The following RANBP2 variants were observed in gnomAD, a reference collection of about 807,000 sequenced individuals.
The protein encoded by RANBP2 is E3 SUMO-protein ligase RanBP2.
Under a neutral mutation model 303.6 loss-of-function variants are expected in RANBP2, and 57 were observed. The observed-to-expected ratio is 0.19, with a 90% confidence interval of 0.15 to 0.23. The LOEUF is 0.23. Ranked by LOEUF, RANBP2 falls within the 10% of genes least tolerant of loss-of-function variation. RANBP2 has a pLI of 1.00. For missense variants in RANBP2, 3,138 were observed against 3,780.8 expected (o/e 0.83, Z 4.46); for synonymous variants, 1,167 against 1,301.5 (o/e 0.90, Z 2.23).
the RANBP2 span, among the ~76,000 whole-genome samples, chr2:109,568,143 T>C: frequency 1.3e-5 from 2 of 152,078 alleles, no homozygotes; most frequent in East Asian, 3.9e-4. Context: ...TACATAAAGA[T>C]TTACAGGAAC....
the RANBP2 span, among the ~76,000 whole-genome samples, chr2:109,527,164 C>T: frequency 6.6e-6 from 1 of 152,286 alleles, no homozygotes; most frequent in Admixed American, 6.5e-5. Context: ...TCACACAAAC[C>T]CACACGAAGC....
chr2:108,830,058 G>GT, the RANBP2 span, among the ~76,000 whole-genome samples: 1 of 152,088 alleles, frequency 6.6e-6, no homozygotes, highest in African/African-American at 2.4e-5. Context: ...ACAAGATGTG[G>GT]TATATACATA....
chr2:108,932,057 C>A, the RANBP2 span, among the ~76,000 whole-genome samples: 1 of 152,142 alleles, frequency 6.6e-6, no homozygotes, highest in African/African-American at 2.4e-5. Context: ...AGCAAGCTAC[C>A]ATTGGTCATG....
At chr2:109,297,450 TCCAGAG>T in the RANBP2 span, among the ~76,000 whole-genome samples, 1 of 151,822 alleles carries the variant, frequency 6.6e-6, no homozygotes, top group Non-Finnish European at 1.5e-5. Context: ...GCATACCTCC[TCCAGAG>T]CCAGAGGGGT....
the RANBP2 span, among the ~76,000 whole-genome samples, chr2:109,024,199 A>G: frequency 2.0e-5 from 3 of 152,230 alleles, no homozygotes; most frequent in Non-Finnish European, 4.4e-5. Context: ...TGCTGGGATT[A>G]CAGGCGTGAG....
chr2:108,930,098 TC>T, the RANBP2 span: 1 of 1,609,108 alleles, frequency 6.2e-7, no homozygotes, highest in South Asian at 1.1e-5. Flanking sequence ...CGCACCAGGC[TC>T]CAGGAGGGCT....
At chr2:108,862,576 A>C in the RANBP2 span, among the ~76,000 whole-genome samples, 2 of 152,184 alleles carry the variant, frequency 1.3e-5, no homozygotes, top group African/African-American at 4.8e-5. Flanking sequence ...CAAAGCAAAT[A>C]TGTGAGGTAA....
the RANBP2 span, among the ~76,000 whole-genome samples, chr2:109,581,445 A>AG: frequency 1.3e-5 from 2 of 152,084 alleles, no homozygotes; most frequent in African/African-American, 4.8e-5. Flanking sequence ...TCAAAAAAAA[A>AG]AACAAAAAAA....
chr2:109,181,778 C>G, the RANBP2 span, among the ~76,000 whole-genome samples: 1 of 152,308 alleles, frequency 6.6e-6, no homozygotes, highest in East Asian at 1.9e-4. Flanking sequence ...CTGCCTTTTT[C>G]TTGACATCTC....
the RANBP2 span, among the ~76,000 whole-genome samples, chr2:108,942,960 C>A: frequency 6.6e-6 from 1 of 152,224 alleles, no homozygotes; most frequent in East Asian, 1.9e-4. Context: ...CCTTCCCGGC[C>A]CCTTCGCTGA....
At chr2:108,760,702 A>G (rs566474783) in intron 18 of RANBP2, among the ~76,000 whole-genome samples, 23 of 152,302 alleles carry the variant, frequency 1.5e-4, no homozygotes, top group South Asian at 1.0e-3. Context: ...TAGTTTTGCC[A>G]TCTTCAACGT....
chr2:109,339,410 C>G, the RANBP2 span, among the ~76,000 whole-genome samples: 1 of 152,150 alleles, frequency 6.6e-6, no homozygotes, highest in African/African-American at 2.4e-5. Context: ...TCCTTCTCTT[C>G]CCTCCTGTCC....
At chr2:109,518,482 C>T in the RANBP2 span, among the ~76,000 whole-genome samples, 23 of 152,210 alleles carry the variant, frequency 1.5e-4, no homozygotes, top group Non-Finnish European at 2.5e-4. Context: ...CCAGAGCCTA[C>T]GGCCCAGCTC....
At chr2:108,914,954 C>T in the RANBP2 span, among the ~76,000 whole-genome samples, 5 of 152,212 alleles carry the variant, frequency 3.3e-5, no homozygotes, top group Admixed American at 3.3e-4. Flanking sequence ...ACTCTGTCAC[C>T]CAGGCTGGAG....
the RANBP2 span, among the ~76,000 whole-genome samples, chr2:108,796,560 C>T: frequency 1.1e-4 from 16 of 152,070 alleles, no homozygotes; most frequent in South Asian, 1.0e-3. Flanking sequence ...TCATAATAAC[C>T]GAAATATGGA....
intron 23 of RANBP2, 110 bp from the exon 24 acceptor site, chr2:108,775,622 C>T: frequency 8.9e-7 from 1 of 1,124,156 alleles, no homozygotes; most frequent in Non-Finnish European, 1.3e-6. Flanking sequence ...TGTGTTTATT[C>T]TATCTTCTCC....
the RANBP2 span, among the ~76,000 whole-genome samples, chr2:109,557,523 C>G: frequency 6.6e-6 from 1 of 152,174 alleles, no homozygotes; most frequent in Non-Finnish European, 1.5e-5. Flanking sequence ...GTCCATATTC[C>G]CAACTACCAC....
the RANBP2 span, among the ~76,000 whole-genome samples, chr2:109,353,125 G>A: frequency 6.6e-6 from 1 of 152,226 alleles, no homozygotes; most frequent in African/African-American, 2.4e-5. Flanking sequence ...CTGTCCCGGA[G>A]TCATGGCAAA....
At chr2:108,927,651 A>G in the RANBP2 span, among the ~76,000 whole-genome samples, 49 of 152,046 alleles carry the variant, frequency 3.2e-4, 1 homozygote, top group South Asian at 7.7e-3. Flanking sequence ...GAACCCTTCT[A>G]CTACAGCGGC....
Sources: allele counts gnomAD v4.1 joint callset (sites outside exome capture counted in the v4.1 genomes callset), GRCh38; gene constraint gnomAD v4.1.1; transcripts MANE v1.5; gene names NCBI Gene and HGNC (gene_info 2026-07-23, HGNC 2026-07-21).